The following PLCB4 variants were observed in gnomAD, a reference collection of about 807,000 sequenced individuals.
PLCB4 encodes the protein phospholipase C beta 4.
A neutral mutation model predicts 178.8 loss-of-function variants in PLCB4; 77 were observed. The ratio of observed to expected loss-of-function variants is 0.43; its 90% CI spans 0.36 to 0.52. PLCB4 has a LOEUF of 0.52. Ranked by LOEUF, PLCB4 falls within the 20% of genes least tolerant of loss-of-function variation. The probability of loss-of-function intolerance (pLI) is 0.00; values close to 1 mark genes in which losing one functional copy is unlikely to be tolerated. For synonymous variants in PLCB4, 496 were observed against 490.8 expected (o/e 1.01, Z -0.14); for missense variants, 1,024 against 1,453.4 (o/e 0.70, Z 4.80).
intron 25 of PLCB4, among the ~76,000 whole-genome samples, chr20:9,413,226 A>C (rs2039982631): frequency 6.6e-6 from 1 of 152,074 alleles, no homozygotes; most frequent in African/African-American, 2.4e-5. Flanking sequence ...TGCCCACCTC[A>C]GCGATCACAC....
At chr20:9,442,785 C>T (rs2148669569) in intron 30 of PLCB4, among the ~76,000 whole-genome samples, 1 of 152,266 alleles carries the variant, frequency 6.6e-6, no homozygotes, top group East Asian at 1.9e-4. Context: ...ACCCTTTATA[C>T]CCCGATCATA....
At chr20:9,104,968 A>G (rs1406449256) in intron 2 of PLCB4, among the ~76,000 whole-genome samples, 1 of 152,016 alleles carries the variant, frequency 6.6e-6, no homozygotes, top group Non-Finnish European at 1.5e-5. Flanking sequence ...CTTGGAGGAG[A>G]TCCATATTTT....
At chr20:9,274,528 A>G (rs1035885262) in intron 3 of PLCB4, among the ~76,000 whole-genome samples, 1 of 152,106 alleles carries the variant, frequency 6.6e-6, no homozygotes, top group South Asian at 2.1e-4. Context: ...GCACATGTAA[A>G]CACATGTTTG....
intron 3 of PLCB4, among the ~76,000 whole-genome samples, chr20:9,253,408 C>T (rs1031302762): frequency 6.6e-6 from 1 of 152,156 alleles, no homozygotes; most frequent in Non-Finnish European, 1.5e-5. Flanking sequence ...GGTAGGGCTC[C>T]TGCTCTGTGC....
intron 2 of PLCB4, among the ~76,000 whole-genome samples, chr20:9,155,386 T>C (rs918138382): frequency 6.6e-6 from 1 of 152,156 alleles, no homozygotes; most frequent in African/African-American, 2.4e-5. Context: ...ATCTTTGCAA[T>C]TGTGAATTGT....
chr20:9,298,303 C>A (rs1188293645), intron 3 of PLCB4, among the ~76,000 whole-genome samples: 1 of 152,076 alleles, frequency 6.6e-6, no homozygotes, highest in African/African-American at 2.4e-5. Context: ...CAATTTCTGT[C>A]TTTGTTTCTG....
At chr20:9,138,502 C>T (rs1488357560) in intron 2 of PLCB4, among the ~76,000 whole-genome samples, 4 of 151,818 alleles carry the variant, frequency 2.6e-5, no homozygotes, top group Non-Finnish European at 5.9e-5. Context: ...GGGAGAAGAC[C>T]CACTGGTATC....
At chr20:9,224,672 T>C (rs1372294452) in intron 3 of PLCB4, among the ~76,000 whole-genome samples, 1 of 152,182 alleles carries the variant, frequency 6.6e-6, no homozygotes, top group Non-Finnish European at 1.5e-5. Flanking sequence ...CTCACCATCT[T>C]TCCATTTCTA....
rs188826351 is a variant in PLCB4, at chr20:9,232,694, G to C, written c.-16+15242G>C. Among the ~76,000 whole-genome samples the C allele has an allele frequency of 8.8e-4, 134 of 152,134 alleles. 1 individual carries two copies. Among genetic ancestry groups the C allele is most frequent in the African/African-American group, 3.1e-3 (127 of 41,518 alleles). On this transcript the variant is annotated intron_variant, in intron 3 of 39. Coordinates refer to ENST00000378473, the MANE Select transcript of PLCB4 (RefSeq NM_001377142.1). The stretch of plus-strand genomic sequence containing the variant: ...GCAAAGGACTAAAGATCAGGTTTAT[G>C]GTTTATAGATCATATGTTTATGTCA...
At chr20:9,369,898 G>A (rs1035463521) in intron 9 of PLCB4, among the ~76,000 whole-genome samples, 34 of 152,318 alleles carry the variant, frequency 2.2e-4, no homozygotes, top group African/African-American at 6.5e-4. Context: ...TCCAAAGCCA[G>A]CCCTCATGGA....
At chr20:9,409,329 G>C in intron 24 of PLCB4, 148 bp downstream of exon 24, 9 of 418,288 alleles carry the variant, frequency 2.2e-5, no homozygotes, top group East Asian at 4.1e-5. Flanking sequence ...ATAATGGTGA[G>C]AAATAAAAAA....
intron 25 of PLCB4, among the ~76,000 whole-genome samples, chr20:9,414,516 T>C: frequency 6.6e-6 from 1 of 152,234 alleles, no homozygotes; most frequent in East Asian, 1.9e-4. Context: ...ACTGCATTTC[T>C]TAAAGAGGCA....
chr20:9,207,886 G>C (rs1237870118), intron 2 of PLCB4, among the ~76,000 whole-genome samples: 1 of 152,182 alleles, frequency 6.6e-6, no homozygotes, highest in African/African-American at 2.4e-5. Context: ...AAACACAGGG[G>C]TAGAGGAATA....
intron 14 of PLCB4, 58 bp downstream of exon 14, chr20:9,384,469 A>G (rs1180312567): frequency 5.0e-6 from 6 of 1,211,142 alleles, no homozygotes; most frequent in African/African-American, 1.5e-5. Flanking sequence ...AGTTTAATTT[A>G]CTTTTCTCTG....
chr20:9,213,903 G>T (rs2147255926), intron 2 of PLCB4, among the ~76,000 whole-genome samples: 1 of 152,236 alleles, frequency 6.6e-6, no homozygotes, highest in East Asian at 1.9e-4. Flanking sequence ...TTTCCCTAAT[G>T]GTTAAGTATC....
intron 34 of PLCB4, 113 bp downstream of exon 34, chr20:9,457,602 G>T (rs971449286): frequency 1.5e-6 from 1 of 674,392 alleles, no homozygotes; most frequent in Non-Finnish European, 2.7e-6. Context: ...TGGTCTAGTA[G>T]CCTGCAGCTG....
At chr20:9,431,930 A>G (rs1374996474) in intron 28 of PLCB4, among the ~76,000 whole-genome samples, 2 of 152,236 alleles carry the variant, frequency 1.3e-5, no homozygotes, top group African/African-American at 4.8e-5. Context: ...AAAGTGCTAT[A>G]TTATTTAACT....
intron 4 of PLCB4, among the ~76,000 whole-genome samples, chr20:9,327,538 T>A (rs922365170): frequency 2.4e-4 from 37 of 151,676 alleles, no homozygotes; most frequent in South Asian, 1.2e-3. Context: ...GCACTTTGGG[T>A]GGCCGAGGTG....
chr20:9,185,784 TG>T (rs2093321020), intron 2 of PLCB4, among the ~76,000 whole-genome samples: 1 of 152,220 alleles, frequency 6.6e-6, no homozygotes, highest in African/African-American at 2.4e-5. Context: ...GCTGTCATCC[TG>T]GGGTCTTTGC....
Sources: gnomAD v4.1 joint callset for allele counts (sites outside exome capture counted in the v4.1 genomes callset) on GRCh38, gnomAD v4.1.1 for gene constraint, MANE v1.5 for transcripts, NCBI Gene and HGNC (gene_info 2026-07-23, HGNC 2026-07-21) for gene names.